The following DKC1 variants were observed in gnomAD, a reference collection of about 807,000 sequenced individuals.
DKC1 encodes dyskerin pseudouridine synthase 1, also known as H/ACA ribonucleoprotein complex subunit DKC1.
A neutral mutation model predicts 46.7 loss-of-function variants in DKC1; 4 were observed. That is an observed-to-expected ratio of 0.09 (90% CI 0.04 to 0.20). DKC1 has a LOEUF of 0.20. Ranked by LOEUF, DKC1 falls within the 10% of genes least tolerant of loss-of-function variation. The probability of loss-of-function intolerance (pLI) is 1.00; values close to 1 mark genes in which losing one functional copy is unlikely to be tolerated. For synonymous variants in DKC1, 141 were observed against 142.4 expected, an observed-to-expected ratio of 0.99 and a Z score of 0.07; for missense variants, 171 against 404.2, an observed-to-expected ratio of 0.42 and a Z score of 4.95.
rs2071697763 is a variant in DKC1, at chrX:154,762,911, C to T, written c.-55C>T. 6 of 1,166,286 alleles carry T rather than the reference C, an allele frequency of 5.1e-6. No individual in the cohort carries two copies. The highest frequency in any genetic ancestry group is 2.5e-5 in the Admixed American group (1 of 39,234). On this transcript the variant is annotated 5_prime_UTR_variant, in exon 1 of 15. Coordinates refer to ENST00000369550, the MANE Select transcript of DKC1 (RefSeq NM_001363.5). ...CTGACGGGACCAAGGCGGCGGGAGT[C>T]TGCGGTCGTTCCCTCGGCTGTGGAC...
rs1190332340 is a variant in DKC1, at chrX:154,764,951, A to G, written c.69A>G (p.Pro23=). The G allele has an allele frequency of 1.7e-6, 2 of 1,204,672 alleles. No individual in the cohort carries two copies. The highest frequency in any genetic ancestry group is 2.2e-6 in the Non-Finnish European group (2 of 889,845). Residue 23 remains proline, a synonymous_variant, in exon 2 of 15, where the codon CCA becomes CCG. Coordinates refer to ENST00000369550, the MANE Select transcript of DKC1 (RefSeq NM_001363.5). ...HKKKKERKSL[P]EEDVAEIQHA... ...AGAAAAAGGAGCGGAAGTCATTGCCAGAAGAAGATGTAGCCGTGAGTAGTA... is the reference window on the plus strand; with the variant it reads ...AGAAAAAGGAGCGGAAGTCATTGCCGGAAGAAGATGTAGCCGTGAGTAGTA...
chrX:154,764,852 C>T, intron 1 of DKC1, 47 bp from the exon 2 acceptor site: 1 of 1,022,404 alleles, frequency 9.8e-7, no homozygotes, highest in Non-Finnish European at 1.4e-6. Flanking sequence ...ACCCTTGTTT[C>T]ATTTATTCTT....
chrX:154,766,969 A>G, intron 5 of DKC1, 28 bp from the exon 6 acceptor site: 1 of 1,200,098 alleles, frequency 8.3e-7, no homozygotes, highest in Non-Finnish European at 1.1e-6. Context: ...CAGTGGCCAC[A>G]CCTGACTACT....
intron 1 of DKC1, among the ~76,000 whole-genome samples, chrX:154,763,496 T>C (rs2071707245): frequency 8.9e-6 from 1 of 112,108 alleles, no homozygotes; most frequent in African/African-American, 3.2e-5. Flanking sequence ...GCGTGAGCGC[T>C]TCTGTGGGAT....
intron 1 of DKC1, 104 bp downstream of exon 1, chrX:154,763,085 C>G (rs1298636691): frequency 1.0e-6 from 1 of 986,885 alleles, no homozygotes; most frequent in African/African-American, 1.9e-5. Flanking sequence ...TGGTTCCCGC[C>G]GGCGTGTCGG....
At chrX:154,775,356 T>C in intron 13 of DKC1, 83 bp downstream of exon 13, 1 of 938,164 alleles carries the variant, frequency 1.1e-6, no homozygotes, top group East Asian at 3.1e-5. Flanking sequence ...ACTTTGTGAC[T>C]GTCCGCAGTC....
At chrX:154,765,725 C>G (rs782750352) in intron 3 of DKC1, among the ~76,000 whole-genome samples, 182 bp from the exon 4 acceptor site, 19 of 112,736 alleles carry the variant, frequency 1.7e-4, no homozygotes, top group Non-Finnish European at 3.4e-4. Flanking sequence ...GCACTCAACA[C>G]TGTTGTAGAA....
intron 9 of DKC1, among the ~76,000 whole-genome samples, chrX:154,769,732 G>C (rs185349725): frequency 1.8e-5 from 2 of 112,666 alleles, no homozygotes; most frequent in East Asian, 5.5e-4. Flanking sequence ...TTCAAATCTT[G>C]TATAGATGTT....
At chrX:154,763,613 A>T (rs2071708811) in intron 1 of DKC1, among the ~76,000 whole-genome samples, 4 of 111,731 alleles carry the variant, frequency 3.6e-5, no homozygotes, top group African/African-American at 1.3e-4. Flanking sequence ...GGCCTTACAC[A>T]CCTTGTTTTC....
Position 154,762,957 on chromosome X carries a change from C to T in DKC1, c.-9C>T, listed in dbSNP as rs2071698812. The T allele has an allele frequency of 1.7e-6, 2 of 1,181,522 alleles. No homozygotes were observed. The highest frequency in any genetic ancestry group is 2.3e-6 in the Non-Finnish European group (2 of 880,390). On this transcript the variant is annotated 5_prime_UTR_variant, in exon 1 of 15. Transcript: ENST00000369550. ...TGGACCGGGCGGCACGCACGCGGTG[C>T]AGGGTAACATGGCGGATGCGGAAGG...
At chrX:154,766,495 GA>G (rs1172676981) in intron 5 of DKC1, 95 bp downstream of exon 5, 12,018 of 573,067 alleles carry the variant, frequency 0.021, no homozygotes, top group Middle Eastern at 0.026. Context: ...TCTTCATTAA[GA>G]AAAAAAAAAA....
chrX:154,776,782 A>G lies in DKC1; in HGVS notation c.1477-17A>G, dbSNP rs1355246538. 8.3e-7 allele frequency: 1 copy of G among 1,202,654 alleles called. No individual in the cohort carries two copies. On this transcript the variant is annotated splice_polypyrimidine_tract_variant and intron_variant, in intron 14 of 14. Transcript: ENST00000369550. The stretch of plus-strand genomic sequence containing the variant: ...TAGTGGATGGTATCTGTGAGCTTTC[A>G]TTCTCTTTCTTTCTAGGACAGTGAT...
intron 10 of DKC1, among the ~76,000 whole-genome samples, chrX:154,771,187 G>GTTTTTTT (rs35962335): frequency 4.7e-5 from 3 of 64,484 alleles, no homozygotes; most frequent in Admixed American, 1.9e-4. Flanking sequence ...TGGTGGTGGT[G>GTTTTTTT]TTTTTTTTTT....
chrX:154,775,406 A>G, intron 13 of DKC1, 133 bp downstream of exon 13: 2 of 635,678 alleles, frequency 3.1e-6, no homozygotes, highest in Non-Finnish European at 2.6e-6. Flanking sequence ...GCGCATACAC[A>G]GGTAATGCTG....
chrX:154,763,316 C>T (rs1023380682), intron 1 of DKC1, among the ~76,000 whole-genome samples: 33 of 112,447 alleles, frequency 2.9e-4, no homozygotes, highest in Non-Finnish European at 9.4e-5. Context: ...CGGACGCCGC[C>T]GTTACAGCTC....
intron 14 of DKC1, among the ~76,000 whole-genome samples, 200 bp downstream of exon 14, chrX:154,776,524 G>A (rs1557265729): frequency 9.0e-6 from 1 of 111,663 alleles, no homozygotes; most frequent in East Asian, 2.8e-4. Flanking sequence ...AGAGGCACCC[G>A]ACCTCTACCA....
At position 154,770,820 on chromosome X, in the gene DKC1, G is replaced by A; in HGVS notation, c.977G>A (p.Gly326Asp). The A allele has an allele frequency of 3.3e-6, 4 of 1,211,187 alleles. No homozygotes were observed. The highest frequency in any genetic ancestry group is 4.5e-6 in the Non-Finnish European group (4 of 894,818). ...CCAGGTGTTCTTCGATATGAGGACG[G>A]CATTGAGGTCAATCAGGAGATTGTG... ...MLPGVLRYED[G>D]IEVNQEIVVI... The change falls in exon 10 of 15, where the codon GGC (glycine) becomes GAC (aspartate). Residue 326 changes from glycine (G) to aspartate (D), a missense_variant. Transcript: ENST00000369550.
chrX:154,767,152 C>T, intron 6 of DKC1, 91 bp downstream of exon 6: 1 of 1,181,042 alleles, frequency 8.5e-7, no homozygotes, highest in Non-Finnish European at 1.2e-6. Flanking sequence ...TCCTGACTGA[C>T]TCCTTTTGTC....
At chrX:154,766,943 T>C in intron 5 of DKC1, 54 bp from the exon 6 acceptor site, 4 of 1,110,276 alleles carry the variant, frequency 3.6e-6, no homozygotes, top group South Asian at 3.6e-5. Flanking sequence ...ATAAGAAATA[T>C]GGAAAACAGA....
Sources: gnomAD v4.1 joint callset for allele counts (sites outside exome capture counted in the v4.1 genomes callset) on GRCh38, gnomAD v4.1.1 for gene constraint, MANE v1.5 for transcripts, NCBI Gene and HGNC (gene_info 2026-07-23, HGNC 2026-07-21) for gene names.